RASGRP3: variants seen among roughly 807,000 people sequenced by gnomAD.
RASGRP3 encodes the protein RAS guanyl releasing protein 3.
RASGRP3 carries 54 observed loss-of-function variants against 82.7 expected under a neutral mutation model. The ratio of observed to expected loss-of-function variants is 0.65; its 90% CI spans 0.52 to 0.82. The LOEUF is 0.82. RASGRP3 is among the 40% of genes least tolerant of loss of function. RASGRP3 has a pLI of 0.00. For missense variants in RASGRP3, 861 were observed against 828.9 expected (o/e 1.04, Z -0.48); for synonymous variants, 309 against 300.5 (o/e 1.03, Z -0.29).
chr2:33,464,944 C>T (rs776207108), intron 2 of RASGRP3, among the ~76,000 whole-genome samples: 2 of 152,160 alleles, frequency 1.3e-5, no homozygotes, highest in African/African-American at 2.4e-5. Context: ...CCCTGAGACA[C>T]AACAGTATTA....
At chr2:33,440,417 G>T (rs1037966616) in intron 1 of RASGRP3, among the ~76,000 whole-genome samples, 3 of 152,154 alleles carry the variant, frequency 2.0e-5, no homozygotes, top group Non-Finnish European at 4.4e-5. Flanking sequence ...ATGGAAAATG[G>T]AACCACCATG....
At chr2:33,462,319 G>A (rs979924150) in intron 2 of RASGRP3, among the ~76,000 whole-genome samples, 10 of 151,864 alleles carry the variant, frequency 6.6e-5, no homozygotes, top group Admixed American at 3.3e-4. Flanking sequence ...ATGAGAAGAG[G>A]CAGAAGAAGC....
intron 15 of RASGRP3, 87 bp downstream of exon 15, chr2:33,555,654 T>C: frequency 8.4e-7 from 1 of 1,191,598 alleles, no homozygotes; most frequent in Non-Finnish European, 1.2e-6. Flanking sequence ...CAAAAGCTCT[T>C]GCCATTATTC....
At chr2:33,548,722 T>C (rs959801112) in intron 13 of RASGRP3, among the ~76,000 whole-genome samples, 1 of 152,142 alleles carries the variant, frequency 6.6e-6, no homozygotes, top group Admixed American at 6.5e-5. Flanking sequence ...TTATTATTTT[T>C]TGAGACAAGA....
At chr2:33,466,885 G>A (rs1666727404) in intron 2 of RASGRP3, among the ~76,000 whole-genome samples, 1 of 152,052 alleles carries the variant, frequency 6.6e-6, no homozygotes, top group Non-Finnish European at 1.5e-5. Context: ...AAATGCTCAG[G>A]GTTTGAAGTC....
intron 1 of RASGRP3, among the ~76,000 whole-genome samples, chr2:33,503,183 G>T (rs1390083669): frequency 6.6e-6 from 1 of 152,118 alleles, no homozygotes; most frequent in African/African-American, 2.4e-5. Context: ...TTCTCACTGT[G>T]ATTTATGCTC....
intron 6 of RASGRP3, among the ~76,000 whole-genome samples, chr2:33,521,519 C>T (rs1672032801): frequency 6.6e-6 from 1 of 152,186 alleles, no homozygotes; most frequent in Non-Finnish European, 1.5e-5. Flanking sequence ...TAAGTCAGAA[C>T]CTCTGGCAGC....
At chr2:33,509,433 C>T (rs1670721355) in intron 1 of RASGRP3, among the ~76,000 whole-genome samples, 1 of 152,022 alleles carries the variant, frequency 6.6e-6, no homozygotes, top group Non-Finnish European at 1.5e-5. Context: ...TCATGCCATT[C>T]TCCTTTCAAA....
rs1558418977 is a variant in RASGRP3 at position 33,476,726 on chromosome 2, T to C, written c.-261+19T>C. Reference sequence around the variant, plus strand: ...CACCCTAGTAAGTAACTGGAGAACTTTCCTCTCTCTCTCTCTCTTTCATTC... The same window carrying C: ...CACCCTAGTAAGTAACTGGAGAACTCTCCTCTCTCTCTCTCTCTTTCATTC... On this transcript the variant is annotated intron_variant, in intron 1 of 17. Coordinates refer to ENST00000403687, the MANE Select transcript of RASGRP3 (RefSeq NM_001139488.2). 9.0e-6 allele frequency: 1 copy of C among 111,578 alleles called. No homozygotes were observed. Among genetic ancestry groups the C allele is most frequent in the Admixed American group, 9.0e-5 (1 of 11,062 alleles). The allele number at this position is 111,578 out of a possible 1,614,324, so 6.9% of individuals were successfully genotyped here. A position where few individuals can be genotyped will look rare whatever the true frequency, so the allele number is the denominator to read the frequency against.
chr2:33,459,438 C>G (rs917772562), intron 2 of RASGRP3, among the ~76,000 whole-genome samples: 2 of 152,110 alleles, frequency 1.3e-5, no homozygotes, highest in African/African-American at 2.4e-5. Context: ...CCAGCCAAGA[C>G]TTTTTAAGTC....
rs573022728 is a variant in RASGRP3 at position 33,556,231 on chromosome 2, CTTTTT to C, written c.1579+687_1579+691del. Among the ~76,000 whole-genome samples, 11 of 57,492 alleles carry C rather than the reference CTTTTT, an allele frequency of 1.9e-4. No individual in the cohort carries two copies. The East Asian group carries it at 3.6e-3, about 19-fold the overall frequency. 37.7% of individuals were successfully genotyped at this position (57,492 alleles called of 152,430 possible). On this transcript the variant is annotated intron_variant, in intron 15 of 17. Transcript: ENST00000403687. Reference sequence around the variant, plus strand: ...CAGTTTATATGGTTCTTCTAATAATCTTTTTTTTTTTTTTTTTTTTTTTTTTTGAG... The same window carrying C: ...CAGTTTATATGGTTCTTCTAATAATCTTTTTTTTTTTTTTTTTTTTTTGAG...
At chr2:33,534,234 TAAAAC>T (rs1455186439) in intron 10 of RASGRP3, 84 bp from the exon 11 acceptor site, 2 of 872,462 alleles carry the variant, frequency 2.3e-6, no homozygotes, top group Middle Eastern at 2.2e-4. Flanking sequence ...ACAGTGAACT[TAAAAC>T]ATTCAACTTG....
intron 1 of RASGRP3, chr2:33,481,276 C>T (rs951551882): frequency 6.6e-6 from 1 of 152,232 alleles, no homozygotes; most frequent in Admixed American, 6.6e-5. Context: ...ATTCTTCTGC[C>T]TCAGCCTCCC....
chr2:33,448,448 G>A (rs1665615353), intron 2 of RASGRP3, among the ~76,000 whole-genome samples: 3 of 152,284 alleles, frequency 2.0e-5, no homozygotes, highest in South Asian at 4.1e-4. Flanking sequence ...TAAACAAAAT[G>A]TGGCATAGAC....
chr2:33,522,709 T>C (rs113458478), intron 7 of RASGRP3, among the ~76,000 whole-genome samples: 3,426 of 152,354 alleles, frequency 0.022, 137 homozygotes, highest in African/African-American at 0.078. Context: ...TTTTCCACAC[T>C]GGTTCACAAT....
At chr2:33,505,938 C>G (rs1437684635) in intron 1 of RASGRP3, among the ~76,000 whole-genome samples, 1 of 152,202 alleles carries the variant, frequency 6.6e-6, no homozygotes, top group East Asian at 1.9e-4. Flanking sequence ...TAAAGCTTCT[C>G]TAAGATTCTC....
chr2:33,482,875 C>T (rs1668060274), intron 1 of RASGRP3: 1 of 152,072 alleles, frequency 6.6e-6, no homozygotes, highest in South Asian at 2.1e-4. Flanking sequence ...TCTAAAGTAA[C>T]TTTTTCTGAG....
At position 33,447,405 on chromosome 2, in the gene RASGRP3, T is replaced by C. The variant is rs553938285; in HGVS notation, c.-384-415T>C. Among the ~76,000 whole-genome samples the C allele has an allele frequency of 1.1e-3, 170 of 151,880 alleles. 2 individuals carry two copies. The highest frequency in any genetic ancestry group is 3.9e-3 in the African/African-American group (162 of 41,486). ...AACATAGGGTAATTGTGCCACATGC[T>C]ACTCAAAGAGGTGCCCCAACCTTGG... On this transcript the variant is annotated intron_variant, in intron 1 of 18. Transcript: ENST00000402538.
chr2:33,475,920 A>C (rs1412122779), upstream of RASGRP3, among the ~76,000 whole-genome samples: 1 of 152,212 alleles, frequency 6.6e-6, no homozygotes, highest in Non-Finnish European at 1.5e-5. Context: ...TGATAATCTC[A>C]GCTGCTCGAT....
Sources: allele counts gnomAD v4.1 joint callset (sites outside exome capture counted in the v4.1 genomes callset), GRCh38; gene constraint gnomAD v4.1.1; transcripts MANE v1.5; gene names NCBI Gene and HGNC (gene_info 2026-07-23, HGNC 2026-07-21).